RAD18: variants seen among roughly 807,000 people sequenced by gnomAD.
RAD18 encodes RAD18 E3 ubiquitin protein ligase.
RAD18 carries 47 observed loss-of-function variants against 60.4 expected under a neutral mutation model. The ratio of observed to expected loss-of-function variants is 0.78; its 90% CI spans 0.62 to 0.99. The LOEUF (loss-of-function observed/expected upper bound fraction) is 0.99, where lower values mean the gene tolerates loss of function less well. Among genes scored for constraint, RAD18 ranks in the 50% least tolerant of loss-of-function variants. The pLI is 0.00. For synonymous variants in RAD18, 225 were observed against 195.5 expected (o/e 1.15, Z -1.26); for missense variants, 640 against 593.3 (o/e 1.08, Z -0.82).
At chr3:8,907,786 A>G (rs1410092673) in intron 9 of RAD18, among the ~76,000 whole-genome samples, 2 of 75,464 alleles carry the variant, frequency 2.7e-5, no homozygotes, top group African/African-American at 9.0e-5. Flanking sequence ...TACACTACCC[A>G]CTATCGGTTT....
chr3:8,924,071 T>C (rs1018682011), intron 7 of RAD18, among the ~76,000 whole-genome samples: 10 of 152,128 alleles, frequency 6.6e-5, no homozygotes, highest in Non-Finnish European at 1.0e-4. Flanking sequence ...ATATTAACTT[T>C]AAATGTAAAT....
intron 7 of RAD18, among the ~76,000 whole-genome samples, chr3:8,925,878 C>T (rs1157308799): frequency 1.3e-5 from 2 of 152,156 alleles, no homozygotes; most frequent in Admixed American, 1.3e-4. Flanking sequence ...ATGCTAAAAA[C>T]TCTCAATAAA....
chr3:8,917,241 T>C (rs1287144351), intron 7 of RAD18, among the ~76,000 whole-genome samples: 2 of 152,138 alleles, frequency 1.3e-5, no homozygotes, highest in Non-Finnish European at 2.9e-5. Flanking sequence ...CACAAAAACT[T>C]TCTGAGGAAA....
In RAD18 at chr3:8,927,221, C is replaced by T. The variant is rs542254619; in HGVS notation, c.889+8650G>A. ...CTCCAACAAATTTACAAGAAAAACA[C>T]AAACAAACCCATCAAAAAGTGGGTG... On this transcript the variant is annotated intron_variant, in intron 7 of 12. Coordinates refer to ENST00000264926, the MANE Select transcript of RAD18 (RefSeq NM_020165.4). Among the ~76,000 whole-genome samples the T allele has an allele frequency of 2.0e-5, 3 of 152,284 alleles. No homozygotes were observed. In the East Asian group the frequency reaches 5.8e-4, roughly 29 times the overall value.
chr3:8,920,368 C>A (rs1940295965), intron 7 of RAD18, among the ~76,000 whole-genome samples: 1 of 151,302 alleles, frequency 6.6e-6, no homozygotes, highest in South Asian at 2.1e-4. Context: ...TATCAATTAG[C>A]AACTGTGAAA....
intron 12 of RAD18, among the ~76,000 whole-genome samples, chr3:8,882,994 T>C (rs556132719): frequency 8.5e-5 from 13 of 152,320 alleles, no homozygotes; most frequent in African/African-American, 3.1e-4. Flanking sequence ...AGATGGAAAT[T>C]CCTTCAATAG....
At chr3:8,959,121 CA>C in intron 1 of RAD18, 120 bp from the exon 2 acceptor site, 1 of 749,900 alleles carries the variant, frequency 1.3e-6, no homozygotes, top group Non-Finnish European at 2.3e-6. Context: ...TACACAAATT[CA>C]AAAGCTAACT....
chr3:8,956,750 T>TAAAAAAAAAAAAAAAAAA (rs59945420), intron 2 of RAD18, among the ~76,000 whole-genome samples: 1 of 137,792 alleles, frequency 7.3e-6, no homozygotes, highest in African/African-American at 3.2e-5. Context: ...ATTCATGATT[T>TAAAAAAAAAAAAAAAAAA]AAAAAAAAAA....
At chr3:8,916,462 T>C (rs1265910735) in intron 7 of RAD18, among the ~76,000 whole-genome samples, 2 of 152,180 alleles carry the variant, frequency 1.3e-5, no homozygotes, top group South Asian at 2.1e-4. Context: ...TTGTGAGTGA[T>C]ATATAGCTAC....
At chr3:8,962,565 C>G (rs925292719) in intron 1 of RAD18, among the ~76,000 whole-genome samples, 1 of 152,176 alleles carries the variant, frequency 6.6e-6, no homozygotes, top group Non-Finnish European at 1.5e-5. Flanking sequence ...CTGTGAGAAA[C>G]GGAAATAATC....
At chr3:8,882,613 G>C (rs774775976) in intron 12 of RAD18, among the ~76,000 whole-genome samples, 8 of 152,188 alleles carry the variant, frequency 5.3e-5, no homozygotes, top group Non-Finnish European at 1.2e-4. Flanking sequence ...ATGGCTGAGG[G>C]AGAGACACAG....
intron 6 of RAD18, among the ~76,000 whole-genome samples, chr3:8,938,816 T>G (rs1409648176): frequency 6.6e-6 from 1 of 152,224 alleles, no homozygotes; most frequent in South Asian, 2.1e-4. Context: ...ACCAGACTCA[T>G]CTAAATTGTG....
chr3:8,939,754 C>A, intron 5 of RAD18, 101 bp from the exon 6 acceptor site: 1 of 955,490 alleles, frequency 1.0e-6, no homozygotes, highest in South Asian at 1.7e-5. Flanking sequence ...AAAAGAATCC[C>A]AACTTAACAT....
In RAD18 at chr3:8,879,921, GAAAC is replaced by G. The variant is rs1225239748; in HGVS notation, c.*1432_*1435del. 5 of 152,140 alleles carry G rather than the reference GAAAC, an allele frequency of 3.3e-5. No individual in the cohort carries two copies. Among genetic ancestry groups the G allele is most frequent in the African/African-American group, 1.2e-4 (5 of 41,428 alleles). 9.4% of individuals were successfully genotyped at this position (152,140 alleles called of 1,614,324 possible). On this transcript the variant is annotated 3_prime_UTR_variant, in exon 13 of 13. Transcript: ENST00000264926. ...ATTTATAGACTATATAATTTGTCAT[GAAAC>G]AAACAGTTTTCATTTTGACATAATT... is the stretch of plus-strand genomic sequence containing the variant.
At chr3:8,916,477 T>A (rs1940201777) in intron 7 of RAD18, among the ~76,000 whole-genome samples, 1 of 151,892 alleles carries the variant, frequency 6.6e-6, no homozygotes, top group Non-Finnish European at 1.5e-5. Context: ...AGCTACATTT[T>A]AAAAAAAAGT....
intron 2 of RAD18, among the ~76,000 whole-genome samples, chr3:8,955,194 G>T (rs1368940692): frequency 1.3e-5 from 2 of 152,150 alleles, no homozygotes; most frequent in Non-Finnish European, 2.9e-5. Flanking sequence ...GAGAACAAAA[G>T]CAAAGGTCTG....
At chr3:8,950,101 G>A (rs1307606239) in intron 2 of RAD18, among the ~76,000 whole-genome samples, 3 of 152,088 alleles carry the variant, frequency 2.0e-5, no homozygotes, top group Admixed American at 6.5e-5. Flanking sequence ...CGCAATCTCG[G>A]CTCAATGCAA....
intron 7 of RAD18, among the ~76,000 whole-genome samples, chr3:8,927,087 C>T (rs1050897076): frequency 3.9e-5 from 6 of 152,130 alleles, no homozygotes; most frequent in East Asian, 1.9e-4. Context: ...AGAGCTTCTG[C>T]ACAGCAAAAG....
At chr3:8,958,789 C>A in intron 2 of RAD18, 131 bp downstream of exon 2, 1 of 678,450 alleles carries the variant, frequency 1.5e-6, no homozygotes, top group Non-Finnish European at 2.5e-6. Flanking sequence ...TGAAAAAGAC[C>A]TTCTGAAAAA....
Sources: allele counts gnomAD v4.1 joint callset (sites outside exome capture counted in the v4.1 genomes callset), GRCh38; gene constraint gnomAD v4.1.1; transcripts MANE v1.5; gene names NCBI Gene and HGNC (gene_info 2026-07-23, HGNC 2026-07-21).